FRMD6: variants seen among roughly 807,000 people sequenced by gnomAD.
FRMD6 encodes the protein FERM domain containing 6.
FRMD6 carries 37 observed loss-of-function variants against 73.2 expected under a neutral mutation model. The observed-to-expected ratio is 0.51, with a 90% CI of 0.39 to 0.66. The LOEUF is 0.66. Ranked by LOEUF, FRMD6 falls within the 30% of genes least tolerant of loss-of-function variation. The probability of loss-of-function intolerance (pLI) is 0.00; values close to 1 mark genes in which losing one functional copy is unlikely to be tolerated. For synonymous variants in FRMD6, 273 were observed against 282.2 expected (o/e 0.97, Z 0.33); for missense variants, 714 against 780.5 (o/e 0.91, Z 1.02).
At chr14:51,689,635 C>T in intron 1 of FRMD6, 56 bp from the exon 2 acceptor site, 1 of 580,316 alleles carries the variant, frequency 1.7e-6, no homozygotes, top group Non-Finnish European at 3.1e-6. Flanking sequence ...TCCTGACGCG[C>T]TCTTCGCAGT....
chr14:51,477,455 A>G, the FRMD6 span, among the ~76,000 whole-genome samples: 593 of 152,008 alleles, frequency 3.9e-3, 11 homozygotes, highest in East Asian at 0.06. Flanking sequence ...ATTGATTAAT[A>G]GGTGAATTGG....
chr14:51,602,115 A>C (rs934607241), intron 2 of FRMD6, among the ~76,000 whole-genome samples: 4 of 152,202 alleles, frequency 2.6e-5, no homozygotes, highest in African/African-American at 9.6e-5. Flanking sequence ...GATCCCCACT[A>C]ATCACTCTTT....
chr14:51,678,557 A>C (rs2140287143), intron 1 of FRMD6, among the ~76,000 whole-genome samples: 1 of 152,288 alleles, frequency 6.6e-6, no homozygotes, highest in East Asian at 1.9e-4. Flanking sequence ...AAAGGAACAT[A>C]ATTTTTAACT....
intron 1 of FRMD6, among the ~76,000 whole-genome samples, chr14:51,565,936 G>A (rs1386398669): frequency 6.6e-6 from 1 of 152,082 alleles, no homozygotes; most frequent in Non-Finnish European, 1.5e-5. Context: ...AGGCCGAGGC[G>A]GGCAGATCAT....
intron 2 of FRMD6, among the ~76,000 whole-genome samples, chr14:51,692,378 T>A (rs992484843): frequency 6.6e-6 from 1 of 152,196 alleles, no homozygotes; most frequent in Non-Finnish European, 1.5e-5. Flanking sequence ...ATAAAAGATA[T>A]CCAATAATTT....
intron 2 of FRMD6, among the ~76,000 whole-genome samples, chr14:51,642,028 T>G (rs1891834742): frequency 6.6e-6 from 1 of 152,210 alleles, no homozygotes; most frequent in South Asian, 2.1e-4. Flanking sequence ...AATTTATTAA[T>G]AAGGCCACGT....
At chr14:51,445,775 A>G in the FRMD6 span, among the ~76,000 whole-genome samples, 1 of 152,210 alleles carries the variant, frequency 6.6e-6, no homozygotes, top group Non-Finnish European at 1.5e-5. Flanking sequence ...AATGCTTTCA[A>G]TGAGTATGAA....
At chr14:51,664,213 C>T (rs953975864) in intron 1 of FRMD6, among the ~76,000 whole-genome samples, 1 of 152,190 alleles carries the variant, frequency 6.6e-6, no homozygotes, top group Non-Finnish European at 1.5e-5. Context: ...TAGTGAATCC[C>T]AAGAGCCAGA....
chr14:51,470,599 T>G, the FRMD6 span, among the ~76,000 whole-genome samples: 1 of 152,370 alleles, frequency 6.6e-6, no homozygotes, highest in East Asian at 1.9e-4. Flanking sequence ...TATCTTTATC[T>G]TTTTTGCTCT....
chr14:51,599,058 C>CTTTTCTTTTTTTTTTTT (rs1158794443), intron 2 of FRMD6, among the ~76,000 whole-genome samples: 9 of 72,800 alleles, frequency 1.2e-4, no homozygotes, highest in South Asian at 5.5e-4. Flanking sequence ...CAGTATCTGT[C>CTTTTCTTTTTTTTTTTT]TTTTTTTTTT....
chr14:51,699,067 A>T (rs563446689), intron 3 of FRMD6, among the ~76,000 whole-genome samples: 15 of 152,222 alleles, frequency 9.9e-5, no homozygotes, highest in South Asian at 2.1e-4. Context: ...AATCTGGTCA[A>T]TACAATAATA....
chr14:51,485,817 C>T (rs772554638), upstream of FRMD6, among the ~76,000 whole-genome samples: 1 of 151,916 alleles, frequency 6.6e-6, no homozygotes, highest in Non-Finnish European at 1.5e-5. Context: ...TCTACCTAAG[C>T]GAAAAACCTT....
chr14:51,407,760 A>G, the FRMD6 span, among the ~76,000 whole-genome samples: 1 of 152,120 alleles, frequency 6.6e-6, no homozygotes, highest in African/African-American at 2.4e-5. Flanking sequence ...ATTTCCAAAC[A>G]TGAGGATGTC....
At chr14:51,479,674 A>G in the FRMD6 span, among the ~76,000 whole-genome samples, 1 of 152,216 alleles carries the variant, frequency 6.6e-6, no homozygotes, top group East Asian at 1.9e-4. Flanking sequence ...ATAATTATTA[A>G]CTTTTAATAG....
At chr14:51,614,885 G>C (rs947409837) in intron 2 of FRMD6, among the ~76,000 whole-genome samples, 1 of 152,128 alleles carries the variant, frequency 6.6e-6, no homozygotes, top group East Asian at 1.9e-4. Context: ...ATTGCTCACA[G>C]GTGTTTTCTT....
intron 2 of FRMD6, among the ~76,000 whole-genome samples, chr14:51,631,272 G>A (rs572642354): frequency 2.0e-5 from 3 of 152,218 alleles, no homozygotes; most frequent in Admixed American, 6.5e-5. Flanking sequence ...TAGAAGGAAC[G>A]GAGCACTTAC....
At chr14:51,668,877 C>G (rs568602843) in intron 1 of FRMD6, among the ~76,000 whole-genome samples, 28 of 151,840 alleles carry the variant, frequency 1.8e-4, no homozygotes, top group African/African-American at 5.1e-4. Context: ...CCGTGTTGGC[C>G]AGGCTGGTCT....
At chr14:51,640,609 T>G (rs1021743131) in intron 2 of FRMD6, among the ~76,000 whole-genome samples, 1 of 152,242 alleles carries the variant, frequency 6.6e-6, no homozygotes, top group African/African-American at 2.4e-5. Context: ...TTTGTCTTCA[T>G]GAGAATTTGA....
At chr14:51,631,271 C>T (rs186773230) in intron 2 of FRMD6, among the ~76,000 whole-genome samples, 34 of 152,264 alleles carry the variant, frequency 2.2e-4, no homozygotes, top group South Asian at 4.1e-4. Context: ...ATAGAAGGAA[C>T]GGAGCACTTA....
Sources: allele counts gnomAD v4.1 joint callset (sites outside exome capture counted in the v4.1 genomes callset), GRCh38; gene constraint gnomAD v4.1.1; transcripts MANE v1.5; gene names NCBI Gene and HGNC (gene_info 2026-07-23, HGNC 2026-07-21).